The following GTF2F2 variants were observed in gnomAD, a reference collection of about 807,000 sequenced individuals.
The protein encoded by GTF2F2 is ATP-dependent helicase GTF2F2.
GTF2F2 carries 23 observed loss-of-function variants against 42.2 expected under a neutral mutation model. The observed-to-expected ratio is 0.55, with a 90% CI of 0.39 to 0.77. GTF2F2 has a LOEUF of 0.77. Ranked by LOEUF, GTF2F2 falls within the 30% of genes least tolerant of loss-of-function variation. The pLI, the probability that GTF2F2 is intolerant of heterozygous loss-of-function variation, is 0.00. For missense variants in GTF2F2, 261 were observed against 287.2 expected (o/e 0.91, Z 0.66); for synonymous variants, 105 against 100.8 (o/e 1.04, Z -0.25).
chr13:45,268,226 G>A (rs576482279), intron 7 of GTF2F2, among the ~76,000 whole-genome samples: 2 of 151,964 alleles, frequency 1.3e-5, no homozygotes, highest in East Asian at 1.9e-4. Context: ...CTACTCTGCC[G>A]GTATACTCAA....
chr13:45,186,355 G>A (rs747027880), intron 4 of GTF2F2, among the ~76,000 whole-genome samples: 1 of 148,460 alleles, frequency 6.7e-6, no homozygotes, highest in Non-Finnish European at 1.5e-5. Context: ...GTAATAGCTC[G>A]ATCTCTGCTC....
chr13:45,198,560 G>A (rs991847491), intron 4 of GTF2F2, among the ~76,000 whole-genome samples: 6 of 152,136 alleles, frequency 3.9e-5, no homozygotes, highest in Admixed American at 2.0e-4. Context: ...CTTGGTTGTT[G>A]TCAGCTGCAT....
rs1280218699 is a variant in GTF2F2 at position 45,204,149 on chromosome 13, CT to C, written c.305-3273del. 3.9e-5 allele frequency among the ~76,000 whole-genome samples: 6 copies of C among 152,078 alleles called. No homozygotes were observed. In the East Asian group the frequency reaches 1.2e-3, roughly 29 times the overall value. ...AACATTTAAATTTAGGTTTTTTAAGCTTATTTTTAATTGACAAGTAAAATTT... is the reference window on the plus strand; with the variant it reads ...AACATTTAAATTTAGGTTTTTTAAGCTATTTTTAATTGACAAGTAAAATTT... On this transcript the variant is annotated intron_variant, in intron 4 of 7. Transcript: ENST00000340473.
At chr13:45,244,100 A>G (rs1875464531) in intron 5 of GTF2F2, among the ~76,000 whole-genome samples, 1 of 152,194 alleles carries the variant, frequency 6.6e-6, no homozygotes, top group South Asian at 2.1e-4. Flanking sequence ...TGACTTAGTG[A>G]CACTGAGTTA....
At chr13:45,229,479 G>A (rs1187888641) in intron 5 of GTF2F2, among the ~76,000 whole-genome samples, 1 of 152,074 alleles carries the variant, frequency 6.6e-6, no homozygotes, top group East Asian at 1.9e-4. Context: ...TAAGCTGTTG[G>A]GAGATGGTAG....
At position 45,141,998 on chromosome 13, in the gene GTF2F2, T is replaced by C. The variant is rs796393438; in HGVS notation, c.140+5192T>C. Among the ~76,000 whole-genome samples the C allele has an allele frequency of 8.5e-5, 13 of 152,320 alleles. 1 individual carries two copies. Among genetic ancestry groups the C allele is most frequent in the African/African-American group, 3.1e-4 (13 of 41,566 alleles). ...CTTGTATGTAGTTCTGAGGCTTTGG[T>C]TTACTTTGTTGCATCTTGATCTCTT... is the stretch of plus-strand genomic sequence containing the variant. On this transcript the variant is annotated intron_variant, in intron 2 of 7. Transcript: ENST00000340473.
At chr13:45,149,892 G>T in intron 3 of GTF2F2, 104 bp downstream of exon 3, 3 of 1,107,418 alleles carry the variant, frequency 2.7e-6, no homozygotes, top group East Asian at 2.9e-5. Flanking sequence ...CACATCAAGT[G>T]CATGGCTGAT....
chr13:45,144,457 C>CTTTTTT (rs11326737), intron 2 of GTF2F2, among the ~76,000 whole-genome samples: 1 of 74,040 alleles, frequency 1.4e-5, no homozygotes, highest in African/African-American at 5.3e-5. Context: ...TTTTTTTGGT[C>CTTTTTT]TTTTTTTTTT....
At chr13:45,164,465 G>T (rs545358835) in intron 4 of GTF2F2, among the ~76,000 whole-genome samples, 5 of 152,260 alleles carry the variant, frequency 3.3e-5, no homozygotes, top group South Asian at 2.1e-4. Context: ...CCAGGTAGTG[G>T]CTCATGCCTG....
intron 4 of GTF2F2, chr13:45,194,400 G>A (rs915565506): frequency 1.9e-6 from 3 of 1,614,162 alleles, no homozygotes; most frequent in Non-Finnish European, 2.5e-6. Flanking sequence ...CAAGGAAAGT[G>A]TCTGGGTACT....
rs1203234526 is a variant in GTF2F2 at position 45,151,808 on chromosome 13, C to T, written c.281C>T (p.Thr94Ile). ...VLQSVGGQTL[T>I]VFTESSSDKL... is the part of the protein sequence containing the mutation. ...CAAAGTGTTGGAGGACAGACATTAACAGTATTTACTGAGAGCTCATCAGGT... is the reference window on the plus strand; with the variant it reads ...CAAAGTGTTGGAGGACAGACATTAATAGTATTTACTGAGAGCTCATCAGGT... The change falls in exon 4 of 8, where the codon ACA becomes ATA. Residue 94 changes from threonine (T) to isoleucine (I), a missense_variant. Transcript: ENST00000340473. The T allele has an allele frequency of 1.3e-6, 2 of 1,546,506 alleles. No homozygotes were observed. Among genetic ancestry groups the T allele is most frequent in the East Asian group, 2.3e-5 (1 of 42,758 alleles).
chr13:45,223,764 A>G (rs991873136), intron 5 of GTF2F2, among the ~76,000 whole-genome samples: 1 of 152,212 alleles, frequency 6.6e-6, no homozygotes, highest in African/African-American at 2.4e-5. Flanking sequence ...ACAGTCCTTC[A>G]AATATATAAA....
At chr13:45,178,393 A>T (rs1871985587) in intron 4 of GTF2F2, among the ~76,000 whole-genome samples, 1 of 146,064 alleles carries the variant, frequency 6.8e-6, no homozygotes, top group Non-Finnish European at 1.5e-5. Context: ...TGAATCTGTG[A>T]CAATTTTCCC....
chr13:45,222,920 C>T (rs1385842928), intron 5 of GTF2F2, among the ~76,000 whole-genome samples: 2 of 152,142 alleles, frequency 1.3e-5, no homozygotes, highest in Non-Finnish European at 2.9e-5. Flanking sequence ...CTTTGGGAGA[C>T]CAAAGCAAGA....
At chr13:45,261,398 C>T (rs1027051240) in intron 6 of GTF2F2, among the ~76,000 whole-genome samples, 37 of 141,428 alleles carry the variant, frequency 2.6e-4, no homozygotes, top group Non-Finnish European at 4.6e-4. Context: ...TGTACTCCAG[C>T]CTGGGGGACA....
chr13:45,276,631 G>A (rs1408445268), intron 7 of GTF2F2, among the ~76,000 whole-genome samples: 1 of 151,994 alleles, frequency 6.6e-6, no homozygotes, highest in Non-Finnish European at 1.5e-5. Context: ...AGTAGAGAAG[G>A]GATTTCGCCA....
Position 45,181,189 on chromosome 13 carries a change from CA to C in GTF2F2, c.305-26221del, listed in dbSNP as rs1237337924. ...CTCAAAAGACAAAAAAACAAACAAACAAAAAAAAAAAAAACCAGAAAAACCA... is the reference window on the plus strand; with the variant it reads ...CTCAAAAGACAAAAAAACAAACAAACAAAAAAAAAAAAACCAGAAAAACCA... On this transcript the variant is annotated intron_variant, in intron 4 of 7. Coordinates refer to ENST00000340473, the MANE Select transcript of GTF2F2 (RefSeq NM_004128.3). Among the ~76,000 whole-genome samples the C allele has an allele frequency of 2.4e-3, 277 of 116,370 alleles. 2 individuals carry two copies. The highest frequency in any genetic ancestry group is 4.3e-3 in the Middle Eastern group (1 of 230). 76.3% of individuals were successfully genotyped at this position (116,370 alleles called of 152,430 possible). A position where few individuals can be genotyped will look rare whatever the true frequency, so the allele number is the denominator to read the frequency against.
At chr13:45,282,731 C>G (rs1877315371) in intron 7 of GTF2F2, among the ~76,000 whole-genome samples, 1 of 152,182 alleles carries the variant, frequency 6.6e-6, no homozygotes, top group Non-Finnish European at 1.5e-5. Context: ...TCTCGAACTC[C>G]TGACCTTAGG....
chr13:45,265,276 G>T (rs1291176327), intron 6 of GTF2F2, among the ~76,000 whole-genome samples: 1 of 151,258 alleles, frequency 6.6e-6, no homozygotes, highest in Non-Finnish European at 1.5e-5. Flanking sequence ...AAAAAAAATT[G>T]AGACTGGCTG....
Sources: gnomAD v4.1 joint callset for allele counts (sites outside exome capture counted in the v4.1 genomes callset) on GRCh38, gnomAD v4.1.1 for gene constraint, MANE v1.5 for transcripts, NCBI Gene and HGNC (gene_info 2026-07-23, HGNC 2026-07-21) for gene names.